The following ZMIZ1 variants were observed in gnomAD, a reference collection of about 807,000 sequenced individuals.
The protein encoded by ZMIZ1 is zinc finger MIZ-type containing 1, also known as zinc finger MIZ domain-containing protein 1.
A neutral mutation model predicts 113.9 loss-of-function variants in ZMIZ1; 17 were observed. The observed-to-expected ratio is 0.15, with a 90% CI of 0.10 to 0.22. The LOEUF is 0.22. ZMIZ1 is among the 10% of genes least tolerant of loss of function. The pLI is 1.00. For missense variants in ZMIZ1, 1,059 were observed against 1,477.8 expected (o/e 0.72, Z 4.65); for synonymous variants, 607 against 603.1 (o/e 1.01, Z -0.09).
In ZMIZ1 at chr10:79,265,454, C is replaced by CT. The variant is rs1427178808; in HGVS notation, c.281-11719dup. Reference sequence around the variant, plus strand: ...CAGCCCAAGCGCCAGCAGACAACTCCTTTTTTTTCTTTTCTTTTTTTTTTT... The same window carrying CT: ...CAGCCCAAGCGCCAGCAGACAACTCCTTTTTTTTTCTTTTCTTTTTTTTTTT... On this transcript the variant is annotated intron_variant, in intron 7 of 24. Transcript: ENST00000334512. 4.2e-3 allele frequency among the ~76,000 whole-genome samples: 608 copies of CT among 145,686 alleles called. 4 individuals carry two copies. Among genetic ancestry groups the CT allele is most frequent in the African/African-American group, 6.7e-3 (255 of 38,008 alleles).
chr10:79,160,806 C>G (rs1306581980), intron 3 of ZMIZ1, among the ~76,000 whole-genome samples: 1 of 152,272 alleles, frequency 6.6e-6, no homozygotes, highest in Non-Finnish European at 1.5e-5. Flanking sequence ...CACCACCTCT[C>G]CCGCTGTGAG....
chr10:79,297,765 C>G (rs1237154271), intron 14 of ZMIZ1, 75 bp downstream of exon 14: 8 of 1,360,380 alleles, frequency 5.9e-6, no homozygotes, highest in Admixed American at 5.3e-5. Flanking sequence ...TGTTCCTGCT[C>G]CAGCCTCTCT....
intron 4 of ZMIZ1, among the ~76,000 whole-genome samples, chr10:79,174,244 G>C (rs1846724075): frequency 6.6e-6 from 1 of 152,346 alleles, no homozygotes; most frequent in South Asian, 2.1e-4. Flanking sequence ...CTCTCAGCCA[G>C]GGTGGGGTCA....
chr10:79,169,532 C>T (rs183301640), intron 4 of ZMIZ1, among the ~76,000 whole-genome samples: 6 of 152,374 alleles, frequency 3.9e-5, no homozygotes, highest in East Asian at 1.9e-4. Context: ...TGATAAAGAT[C>T]GTCTCATCCC....
chr10:79,276,563 CCCAGCAGAG>C (rs1454567246), intron 7 of ZMIZ1, among the ~76,000 whole-genome samples: 7 of 150,618 alleles, frequency 4.6e-5, no homozygotes, highest in Non-Finnish European at 8.9e-5. Context: ...GGCATTTGTG[CCCAGCAGAG>C]CAGGGACCAA....
chr10:79,246,376 C>T, intron 7 of ZMIZ1, among the ~76,000 whole-genome samples: 1 of 152,340 alleles, frequency 6.6e-6, no homozygotes, highest in Non-Finnish European at 1.5e-5. Context: ...TCCTCAGGAA[C>T]AGAGAGTTCT....
At chr10:79,227,161 T>G (rs984423070) in intron 7 of ZMIZ1, among the ~76,000 whole-genome samples, 1 of 152,200 alleles carries the variant, frequency 6.6e-6, no homozygotes, top group Non-Finnish European at 1.5e-5. Flanking sequence ...ATGAACAGGT[T>G]AAAATGAAGT....
At chr10:79,185,945 T>C (rs1002122799) in intron 4 of ZMIZ1, among the ~76,000 whole-genome samples, 1 of 152,154 alleles carries the variant, frequency 6.6e-6, no homozygotes, top group Non-Finnish European at 1.5e-5. Context: ...CGAGGCTGTC[T>C]AAGGAGTAGC....
intron 7 of ZMIZ1, among the ~76,000 whole-genome samples, chr10:79,238,435 C>T (rs185384692): frequency 1.6e-4 from 24 of 152,324 alleles, no homozygotes; most frequent in South Asian, 4.1e-4. Flanking sequence ...TCTCACTGTG[C>T]ATCGTGTCCC....
At chr10:79,122,943 G>C (rs937090320) in intron 2 of ZMIZ1, among the ~76,000 whole-genome samples, 5 of 152,200 alleles carry the variant, frequency 3.3e-5, no homozygotes, top group African/African-American at 1.2e-4. Context: ...TATGTGGGTT[G>C]CTGAAGAGGG....
intron 2 of ZMIZ1, among the ~76,000 whole-genome samples, chr10:79,127,268 G>T (rs114129053): frequency 6.6e-6 from 1 of 152,088 alleles, no homozygotes; most frequent in African/African-American, 2.4e-5. Flanking sequence ...CCCTGGGCTC[G>T]GCCGGTCTGT....
intron 2 of ZMIZ1, among the ~76,000 whole-genome samples, chr10:79,119,747 G>T (rs1485444643): frequency 6.6e-6 from 1 of 152,186 alleles, no homozygotes; most frequent in African/African-American, 2.4e-5. Flanking sequence ...CTGGGGTCAT[G>T]ACCCATTTGT....
intron 4 of ZMIZ1, among the ~76,000 whole-genome samples, chr10:79,175,596 G>GTGTGTGTGTGTA (rs1846805185): frequency 9.1e-6 from 1 of 109,996 alleles, no homozygotes; most frequent in African/African-American, 5.4e-5. Context: ...GTGTGTGTGT[G>GTGTGTGTGTGTA]TGTGTGTGTG....
chr10:79,093,297 ATT>A (rs1446783066), intron 1 of ZMIZ1, among the ~76,000 whole-genome samples: 2 of 40,070 alleles, frequency 5.0e-5, no homozygotes, highest in Admixed American at 3.8e-4. Context: ...TATTTTATTT[ATT>A]TATTTATTTA....
intron 3 of ZMIZ1, among the ~76,000 whole-genome samples, chr10:79,154,428 C>T (rs1186023485): frequency 6.6e-6 from 1 of 152,046 alleles, no homozygotes; most frequent in East Asian, 1.9e-4. Context: ...TGGTTGGCAC[C>T]AAGCAGAGTG....
chr10:79,300,183 C>CCTTA (rs1369373709), intron 16 of ZMIZ1, among the ~76,000 whole-genome samples: 1 of 152,254 alleles, frequency 6.6e-6, no homozygotes, highest in African/African-American at 2.4e-5. Context: ...CACCCACGCT[C>CCTTA]CTTAGCTGGG....
intron 7 of ZMIZ1, among the ~76,000 whole-genome samples, chr10:79,245,797 C>T (rs1327272476): frequency 1.3e-5 from 2 of 152,190 alleles, no homozygotes; most frequent in Non-Finnish European, 2.9e-5. Context: ...TTGTGAATTT[C>T]AATTAATTAA....
intron 2 of ZMIZ1, among the ~76,000 whole-genome samples, chr10:79,130,497 TCCC>T (rs1844713033): frequency 6.6e-6 from 1 of 152,092 alleles, no homozygotes; most frequent in Admixed American, 6.5e-5. Flanking sequence ...CTTCTCAGAC[TCCC>T]CCTTGAGCTG....
chr10:79,248,849 A>C lies in ZMIZ1; in HGVS notation c.281-28332A>C, dbSNP rs560858222. Among the ~76,000 whole-genome samples the C allele has an allele frequency of 9.2e-4, 140 of 152,178 alleles. 1 individual carries two copies. Among genetic ancestry groups the C allele is most frequent in the African/African-American group, 3.3e-3 (137 of 41,526 alleles). ...ATGTGTGCATTTCCCTGGGGCTGGG[A>C]CTGGAGTGGATGGGTGCCAGCGGGT... is the stretch of plus-strand genomic sequence containing the variant. On this transcript the variant is annotated intron_variant, in intron 7 of 24. Transcript: ENST00000334512.
Sources: gnomAD v4.1 joint callset for allele counts (sites outside exome capture counted in the v4.1 genomes callset) on GRCh38, gnomAD v4.1.1 for gene constraint, MANE v1.5 for transcripts, NCBI Gene and HGNC (gene_info 2026-07-23, HGNC 2026-07-21) for gene names.